PRDM11: variants seen among roughly 807,000 people sequenced by gnomAD.
The protein encoded by PRDM11 is PR domain-containing protein 11.
A neutral mutation model predicts 97.8 loss-of-function variants in PRDM11; 20 were observed. The observed-to-expected ratio is 0.20, with a 90% CI of 0.14 to 0.30. The LOEUF is 0.30. Among genes scored for constraint, PRDM11 ranks in the 10% least tolerant of loss-of-function variants. PRDM11 has a pLI of 1.00. For synonymous variants in PRDM11, 599 were observed against 637.7 expected, an observed-to-expected ratio of 0.94 and a Z score of 0.91; for missense variants, 1,139 against 1,555.2, an observed-to-expected ratio of 0.73 and a Z score of 4.50.
At chr11:45,108,423 G>A (rs1852102515) in intron 1 of PRDM11, among the ~76,000 whole-genome samples, 2 of 152,158 alleles carry the variant, frequency 1.3e-5, no homozygotes. Flanking sequence ...GAGCTTCTGG[G>A]GTTAAATATT....
chr11:45,183,425 T>G, intron 4 of PRDM11, among the ~76,000 whole-genome samples: 1 of 152,162 alleles, frequency 6.6e-6, no homozygotes, highest in East Asian at 1.9e-4. Context: ...TTGGGCAGTA[T>G]TGAACCAACC....
chr11:45,227,123 A>G lies in PRDM11; in HGVS notation c.2498A>G (p.Asn833Ser). The G allele has an allele frequency of 2.6e-6, 4 of 1,533,984 alleles. No individual in the cohort carries two copies. In the South Asian group the frequency reaches 4.8e-5, roughly 18 times the overall value. The stretch of plus-strand genomic sequence containing the variant: ...GTGCGGTGGATCATCGGCGAGCAGA[A>G]CGTCCTCAACGCTCTCATCAAGGAC... ...RAVRWIIGEQ[N>S]VLNALIKDYL... Residue 833 changes from asparagine to serine, a missense_variant, in exon 8 of 8, where the codon AAC (asparagine) becomes AGC (serine). Asn to Ser is a conservative substitution (Grantham distance 46, BLOSUM62 1). Transcript: ENST00000683152. This position sits in a 1 kb window ranked among gnomAD's most constrained non-coding sequence, Gnocchi z 8.0.
At chr11:45,095,641 G>T (rs922929795), upstream of PRDM11, among the ~76,000 whole-genome samples, 1 of 152,238 alleles carries the variant, frequency 6.6e-6, no homozygotes, top group African/African-American at 2.4e-5. Flanking sequence ...ATGTGACAAA[G>T]TTCTGACCAA....
chr11:45,177,205 C>T (rs1171383206), intron 1 of PRDM11, among the ~76,000 whole-genome samples: 1 of 152,250 alleles, frequency 6.6e-6, no homozygotes, highest in East Asian at 1.9e-4. Context: ...AACAGAGCTG[C>T]AGACTCCTGG....
At chr11:45,134,524 C>A (rs1230159063) in intron 1 of PRDM11, among the ~76,000 whole-genome samples, 1 of 151,642 alleles carries the variant, frequency 6.6e-6, no homozygotes, top group Non-Finnish European at 1.5e-5. Context: ...CACAGCAAAA[C>A]CCTGTCTCTA....
chr11:45,158,892 C>T (rs769578304), intron 1 of PRDM11, among the ~76,000 whole-genome samples: 11 of 152,140 alleles, frequency 7.2e-5, no homozygotes, highest in Non-Finnish European at 1.3e-4. Context: ...CAAGGTTGTC[C>T]GTGTCCGGGT....
At chr11:45,191,232 C>T (rs762446299) in intron 4 of PRDM11, among the ~76,000 whole-genome samples, 2 of 152,098 alleles carry the variant, frequency 1.3e-5, no homozygotes, top group Non-Finnish European at 2.9e-5. Flanking sequence ...TGGTGGATTC[C>T]GATTACAGCT....
At chr11:45,183,211 C>T in intron 4 of PRDM11, 88 bp downstream of exon 4, 2 of 1,459,238 alleles carry the variant, frequency 1.4e-6, no homozygotes, top group South Asian at 2.8e-5. Flanking sequence ...CCCAGCTTGG[C>T]CCCAGAACTT....
upstream of PRDM11, among the ~76,000 whole-genome samples, chr11:45,094,894 G>A (rs1471035253): frequency 7.0e-6 from 1 of 143,592 alleles, no homozygotes; most frequent in Non-Finnish European, 1.5e-5. Flanking sequence ...AGGGAAGGAA[G>A]GAAGGGAAAG....
chr11:45,099,424 C>T (rs1851935243), intron 1 of PRDM11, among the ~76,000 whole-genome samples: 1 of 136,064 alleles, frequency 7.3e-6, no homozygotes, highest in Non-Finnish European at 1.5e-5. Context: ...GCACTCCAGC[C>T]TGGGTAACAG....
intron 4 of PRDM11, among the ~76,000 whole-genome samples, chr11:45,197,133 C>T (rs944888760): frequency 6.6e-6 from 1 of 152,118 alleles, no homozygotes; most frequent in South Asian, 2.1e-4. Context: ...TGTCAACATG[C>T]CTCATTAACT....
upstream of PRDM11, among the ~76,000 whole-genome samples, chr11:45,141,872 G>C (rs1434604566): frequency 6.6e-6 from 1 of 152,194 alleles, no homozygotes; most frequent in Non-Finnish European, 1.5e-5. Flanking sequence ...CTTACCTGCA[G>C]GGAGGCCAGG....
intron 1 of PRDM11, among the ~76,000 whole-genome samples, chr11:45,136,173 C>G (rs796638703): frequency 2.0e-5 from 3 of 152,094 alleles, no homozygotes; most frequent in African/African-American, 7.2e-5. Flanking sequence ...TTCTGTAAAC[C>G]TAAAATTGTT....
At chr11:45,191,818 A>ATTT (rs1322797649) in intron 4 of PRDM11, among the ~76,000 whole-genome samples, 16 of 150,304 alleles carry the variant, frequency 1.1e-4, no homozygotes, top group African/African-American at 3.9e-4. Flanking sequence ...TATTATTATT[A>ATTT]TTATTATTAC....
At chr11:45,103,466 A>G (rs893401577) in intron 1 of PRDM11, among the ~76,000 whole-genome samples, 14 of 152,068 alleles carry the variant, frequency 9.2e-5, no homozygotes, top group African/African-American at 3.4e-4. Flanking sequence ...TCTAGGCCCT[A>G]CCGTTTTGCA....
intron 1 of PRDM11, among the ~76,000 whole-genome samples, chr11:45,115,684 C>T (rs573890652): frequency 1.3e-5 from 2 of 152,106 alleles, no homozygotes; most frequent in East Asian, 1.9e-4. Context: ...AATCCCAGCA[C>T]TTTGGGAGGC....
At chr11:45,130,344 G>T (rs1313005163) in intron 1 of PRDM11, among the ~76,000 whole-genome samples, 2 of 152,030 alleles carry the variant, frequency 1.3e-5, no homozygotes, top group Non-Finnish European at 2.9e-5. Flanking sequence ...TAAGATATTG[G>T]CAATACATAT....
chr11:45,108,440 A>T (rs1852102903), intron 1 of PRDM11, among the ~76,000 whole-genome samples: 1 of 152,086 alleles, frequency 6.6e-6, no homozygotes, highest in South Asian at 2.1e-4. Flanking sequence ...TATTTCAAAG[A>T]TCACTCCTGC....
At chr11:45,094,661 A>T (rs1210081037), upstream of PRDM11, among the ~76,000 whole-genome samples, 1 of 135,602 alleles carries the variant, frequency 7.4e-6, no homozygotes, top group African/African-American at 2.7e-5. Context: ...GGAGGAAAGA[A>T]GGAAGGAAGG....
Sources: allele counts gnomAD v4.1 joint callset (sites outside exome capture counted in the v4.1 genomes callset), GRCh38; gene constraint gnomAD v4.1.1; non-coding constraint Gnocchi (gnomAD v3.1); transcripts MANE v1.5; gene names NCBI Gene and HGNC (gene_info 2026-07-23, HGNC 2026-07-21).